Variants in SPOCK3 observed in about 807,000 individuals in gnomAD.
The protein encoded by SPOCK3 is SPARC (osteonectin), cwcv and kazal like domains proteoglycan 3, also known as testican-3.
SPOCK3 carries 30 observed loss-of-function variants against 56.6 expected under a neutral mutation model. The observed-to-expected ratio is 0.53, with a 90% CI of 0.40 to 0.72. The LOEUF (loss-of-function observed/expected upper bound fraction) is 0.72. SPOCK3 is among the 30% of genes least tolerant of loss of function. The pLI is 0.00. For synonymous variants in SPOCK3, 196 were observed against 183.3 expected (o/e 1.07, Z -0.56); for missense variants, 527 against 530.0 (o/e 0.99, Z 0.06).
intron 5 of SPOCK3, among the ~76,000 whole-genome samples, chr4:166,911,611 C>T (rs1320086615): frequency 6.6e-6 from 1 of 152,146 alleles, no homozygotes; most frequent in Non-Finnish European, 1.5e-5. Context: ...AATCTCAGCT[C>T]ACTGCAACCT....
At chr4:167,090,928 C>A (rs1454619966) in intron 2 of SPOCK3, among the ~76,000 whole-genome samples, 1 of 152,006 alleles carries the variant, frequency 6.6e-6, no homozygotes, top group Non-Finnish European at 1.5e-5. Flanking sequence ...TAATGCAGAT[C>A]TAAGAAATTG....
Position 166,889,205 on chromosome 4 carries a change from T to C in SPOCK3, c.514A>G (p.Ile172Val). Residue 172 changes from isoleucine (I) to valine (V), a missense_variant, in exon 6 of 11, where the codon ATC becomes GTC. Physicochemically the swap from Ile to Val is conservative, Grantham distance 29 (BLOSUM62 3). Transcript: ENST00000357545. ...CAATGTCCTTCACATTTGACTGAGATCTGTTTTCCTAAGACACATGCCTGA... is the reference window on the plus strand; with the variant it reads ...CAATGTCCTTCACATTTGACTGAGACCTGTTTTCCTAAGACACATGCCTGA... ...EYQACVLGKQ[I>V]SVKCEGHCPC... 6.2e-7 allele frequency: 1 copy of C among 1,611,932 alleles called. No individual in the cohort carries two copies. The highest frequency in any genetic ancestry group is 8.5e-7 in the Non-Finnish European group (1 of 1,178,548).
intron 2 of SPOCK3, among the ~76,000 whole-genome samples, chr4:167,199,589 G>A (rs1049695787): frequency 1.3e-5 from 2 of 151,600 alleles, no homozygotes; most frequent in Middle Eastern, 3.4e-3. Context: ...CAGTTCTCTC[G>A]CCTTGTCCTC....
chr4:166,999,749 C>T (rs1240363180), intron 4 of SPOCK3, among the ~76,000 whole-genome samples: 6 of 152,086 alleles, frequency 3.9e-5, no homozygotes. Context: ...ATTACTGGTC[C>T]TTCCCAAAAC....
chr4:166,866,606 C>G (rs987656690), intron 6 of SPOCK3, among the ~76,000 whole-genome samples: 3 of 151,882 alleles, frequency 2.0e-5, no homozygotes, highest in Non-Finnish European at 2.9e-5. Context: ...ATGACTCAAT[C>G]AAAAAGTGGG....
At chr4:167,016,682 A>G (rs1750657398) in intron 3 of SPOCK3, among the ~76,000 whole-genome samples, 1 of 151,926 alleles carries the variant, frequency 6.6e-6, no homozygotes, top group Non-Finnish European at 1.5e-5. Flanking sequence ...CTGGGATTAC[A>G]GGCGTCTACC....
intron 6 of SPOCK3, among the ~76,000 whole-genome samples, chr4:166,828,758 T>G (rs778946705): frequency 1.3e-5 from 2 of 152,032 alleles, no homozygotes; most frequent in Non-Finnish European, 2.9e-5. Flanking sequence ...ATATAGGATA[T>G]CACATACACA....
At chr4:167,198,138 GTCTTGAAAATATATTTTCC>G (rs1385398643) in intron 2 of SPOCK3, among the ~76,000 whole-genome samples, 1 of 152,260 alleles carries the variant, frequency 6.6e-6, no homozygotes, top group East Asian at 1.9e-4. Context: ...AGTAATATGG[GTCTTGAAAATATATTTTCC>G]TCTTGAAAAT....
At chr4:166,830,220 T>C (rs1433396767) in intron 6 of SPOCK3, among the ~76,000 whole-genome samples, 1 of 152,214 alleles carries the variant, frequency 6.6e-6, no homozygotes, top group African/African-American at 2.4e-5. Context: ...AATTTGCATA[T>C]TGGAAACTAT....
chr4:166,878,791 C>T (rs1367174562), intron 6 of SPOCK3, among the ~76,000 whole-genome samples: 1 of 152,144 alleles, frequency 6.6e-6, no homozygotes, highest in Admixed American at 6.6e-5. Flanking sequence ...CAAAACCTTG[C>T]TTTGGTGCTT....
At chr4:166,819,192 C>CA (rs1479989373) in intron 6 of SPOCK3, among the ~76,000 whole-genome samples, 2 of 151,934 alleles carry the variant, frequency 1.3e-5, no homozygotes, top group Non-Finnish European at 1.5e-5. Context: ...GAAAAATGCT[C>CA]AAAAAACTAG....
chr4:167,119,000 A>C (rs1761649560), intron 2 of SPOCK3, among the ~76,000 whole-genome samples: 1 of 152,050 alleles, frequency 6.6e-6, no homozygotes, highest in Non-Finnish European at 1.5e-5. Context: ...CAGCCCTTCC[A>C]ATTTATCTAC....
At chr4:166,955,242 G>A (rs1307782645) in intron 4 of SPOCK3, among the ~76,000 whole-genome samples, 1 of 151,320 alleles carries the variant, frequency 6.6e-6, no homozygotes, top group Non-Finnish European at 1.5e-5. Flanking sequence ...TATTTTTAAA[G>A]AATATTGTAT....
At chr4:167,151,200 C>T (rs1315359320) in intron 2 of SPOCK3, among the ~76,000 whole-genome samples, 2 of 152,074 alleles carry the variant, frequency 1.3e-5, no homozygotes, top group Non-Finnish European at 2.9e-5. Context: ...AACTTTTAGT[C>T]CTTTTGGGGT....
intron 7 of SPOCK3, among the ~76,000 whole-genome samples, chr4:166,788,842 TAA>T (rs1741022571): frequency 6.6e-6 from 1 of 151,956 alleles, no homozygotes; most frequent in Admixed American, 6.6e-5. Context: ...GTAAAAATTA[TAA>T]AAGATTCATG....
intron 3 of SPOCK3, among the ~76,000 whole-genome samples, chr4:167,014,448 C>G (rs1750403981): frequency 6.6e-6 from 1 of 151,964 alleles, no homozygotes; most frequent in African/African-American, 2.4e-5. Context: ...GAGCTCAAGA[C>G]TAGCCTGGGC....
At chr4:166,744,544 A>G (rs1024573126) in intron 8 of SPOCK3, among the ~76,000 whole-genome samples, 3 of 142,984 alleles carry the variant, frequency 2.1e-5, no homozygotes, top group Non-Finnish European at 4.5e-5. Flanking sequence ...AGAGCAGAAA[A>G]GCTGAAAATT....
At chr4:166,961,007 T>C (rs1312665330) in intron 4 of SPOCK3, among the ~76,000 whole-genome samples, 3 of 152,158 alleles carry the variant, frequency 2.0e-5, no homozygotes, top group African/African-American at 4.8e-5. Context: ...AATCTGGCAG[T>C]TGTAGATTTA....
chr4:167,161,931 C>G (rs1323887792), intron 2 of SPOCK3, among the ~76,000 whole-genome samples: 2 of 151,800 alleles, frequency 1.3e-5, no homozygotes, highest in East Asian at 3.9e-4. Context: ...AGGAGATATA[C>G]GTAATGTTAA....
Sources: gnomAD v4.1 joint callset for allele counts (sites outside exome capture counted in the v4.1 genomes callset) on GRCh38, gnomAD v4.1.1 for gene constraint, MANE v1.5 for transcripts, NCBI Gene and HGNC (gene_info 2026-07-23, HGNC 2026-07-21) for gene names.